Variants in SMG9 observed in about 807,000 individuals in gnomAD.
SMG9 encodes SMG9 nonsense mediated mRNA decay factor.
SMG9 carries 55 observed loss-of-function variants against 64.0 expected under a neutral mutation model. That is an observed-to-expected ratio of 0.86 (90% CI 0.69 to 1.08). SMG9 has a LOEUF of 1.08. Among genes scored for constraint, SMG9 ranks in the 50% least tolerant of loss-of-function variants. The pLI, the probability that SMG9 is intolerant of heterozygous loss-of-function variation, is 0.00. For missense variants in SMG9, 554 were observed against 681.3 expected, an observed-to-expected ratio of 0.81 and a Z score of 2.08; for synonymous variants, 244 against 254.8, an observed-to-expected ratio of 0.96 and a Z score of 0.41.
intron 5 of SMG9, among the ~76,000 whole-genome samples, chr19:43,746,947 G>A (rs1308074876): frequency 6.6e-6 from 1 of 151,862 alleles, no homozygotes; most frequent in Non-Finnish European, 1.5e-5. Context: ...TCAGCCTCCT[G>A]AGTGGCCTGG....
At chr19:43,734,098 A>G in intron 10 of SMG9, 1 of 532,910 alleles carries the variant, frequency 1.9e-6, no homozygotes, top group Non-Finnish European at 3.4e-6. Context: ...CCTAATACTC[A>G]CTTCCTGAGT....
In SMG9 at chr19:43,744,837, G is replaced by A. The variant is rs1053619139; in HGVS notation, c.636C>T (p.Leu212=). 10 of 1,613,884 alleles carry A rather than the reference G, an allele frequency of 6.2e-6. No homozygotes were observed. Among genetic ancestry groups the A allele is most frequent in the Non-Finnish European group, 8.5e-6 (10 of 1,179,934 alleles). The change falls in exon 6 of 14, where the codon CTC becomes CTT. Residue 212 remains leucine (L), a synonymous_variant. Transcript: ENST00000270066. The part of the protein sequence containing the change: ...TDVLVVGVLG[L]QGTGKSMVMS... ...TGACCATGGACTTGCCTGTCCCCTG[G>A]AGGCCCAGGACACCAACCACCAACA...
intron 6 of SMG9, among the ~76,000 whole-genome samples, chr19:43,741,431 C>T (rs986342179): frequency 2.0e-5 from 3 of 152,182 alleles, no homozygotes; most frequent in East Asian, 3.9e-4. Flanking sequence ...AGAGGATACA[C>T]AGACCCTTGT....
At chr19:43,753,026 G>A (rs933542450) in intron 1 of SMG9, among the ~76,000 whole-genome samples, 1 of 151,646 alleles carries the variant, frequency 6.6e-6, no homozygotes, top group African/African-American at 2.4e-5. Flanking sequence ...GACATAAACA[G>A]GTCCCTCCGA....
intron 2 of SMG9, chr19:43,748,792 T>C (rs777520667): frequency 2.1e-5 from 11 of 520,042 alleles, no homozygotes; most frequent in Non-Finnish European, 4.2e-5. Flanking sequence ...CCTTCACCAA[T>C]ATACTGAGGA....
At chr19:43,742,068 A>T (rs961161369) in intron 6 of SMG9, among the ~76,000 whole-genome samples, 1 of 152,222 alleles carries the variant, frequency 6.6e-6, no homozygotes, top group Non-Finnish European at 1.5e-5. Context: ...GAATTGCCTA[A>T]ACCTAGGAGA....
In SMG9 at chr19:43,730,249, T is replaced by C. The variant is rs1336729449; in HGVS notation, c.*1347A>G. The stretch of plus-strand genomic sequence containing the variant: ...CTGCTTTACTGAACGATGGATTAAT[T>C]TGGGGTGGCGAGACCAATTTGGAGA... On this transcript the variant is annotated 3_prime_UTR_variant, in exon 14 of 14. Coordinates refer to ENST00000270066, the MANE Select transcript of SMG9 (RefSeq NM_019108.4). The C allele has an allele frequency of 6.6e-6, 1 of 152,114 alleles. No individual in the cohort carries two copies. Among genetic ancestry groups the C allele is most frequent in the Non-Finnish European group, 1.5e-5 (1 of 68,036 alleles). The allele number at this position is 152,114 out of a possible 1,614,324, so 9.4% of individuals were successfully genotyped here. A position where few individuals can be genotyped will look rare whatever the true frequency, so the allele number is the denominator to read the frequency against.
Position 43,738,157 on chromosome 19 carries a change from C to T in SMG9, c.874G>A (p.Glu292Lys), listed in dbSNP as rs1968734120. ...ACGTAAGTGTGGGGAAGGTTGTACT[C>T]TGGAGGCAGTTTGCGGTCATTATTG... is the stretch of plus-strand genomic sequence containing the variant. ...LINNDRKLPPEYNLPHTYVEM... is the reference protein window; with the variant it reads ...LINNDRKLPPKYNLPHTYVEM... The change falls in exon 8 of 14, where the codon GAG (glutamate) becomes AAG (lysine). Residue 292 changes from glutamate to lysine, a missense_variant. Transcript: ENST00000270066. 6.2e-7 allele frequency: 1 copy of T among 1,613,976 alleles called. No homozygotes were observed. Among genetic ancestry groups the T allele is most frequent in the South Asian group, 1.1e-5 (1 of 91,084 alleles).
chr19:43,738,273 A>G, intron 7 of SMG9, 56 bp from the exon 8 acceptor site: 1 of 1,453,270 alleles, frequency 6.9e-7, no homozygotes, highest in Admixed American at 1.7e-5. Context: ...CACACGCTCA[A>G]GGCAAATACA....
intron 2 of SMG9, chr19:43,750,372 C>T: frequency 2.8e-6 from 2 of 707,378 alleles, no homozygotes; most frequent in Non-Finnish European, 5.2e-6. Flanking sequence ...ATTCTCTCAT[C>T]TCCTTCAAGT....
At chr19:43,737,306 G>A (rs1293357838) in intron 9 of SMG9, among the ~76,000 whole-genome samples, 1 of 148,226 alleles carries the variant, frequency 6.7e-6, no homozygotes, top group African/African-American at 2.5e-5. Flanking sequence ...AAAAATAAAG[G>A]GAGCGAGGGG....
intron 1 of SMG9, among the ~76,000 whole-genome samples, chr19:43,751,904 T>G (rs867669423): frequency 2.6e-5 from 4 of 152,244 alleles, no homozygotes; most frequent in Admixed American, 1.3e-4. Context: ...TATTCCCAAC[T>G]ATTAAAATGC....
rs1228228994 is a variant in SMG9 at position 43,731,425 on chromosome 19, G to A, written c.*171C>T. 9.1e-6 allele frequency: 13 copies of A among 1,433,626 alleles called. No individual in the cohort carries two copies. The African/African-American group carries it at 1.2e-4, about 13-fold the overall frequency. The allele number at this position is 1,433,626 out of a possible 1,614,324, so 88.8% of individuals were successfully genotyped here. A position where few individuals can be genotyped will look rare whatever the true frequency, so the allele number is the denominator to read the frequency against. On this transcript the variant is annotated 3_prime_UTR_variant, in exon 14 of 14. Coordinates refer to ENST00000270066, the MANE Select transcript of SMG9 (RefSeq NM_019108.4). ...TCACCCCCGGAACAGCCCCAACTGA[G>A]GGTGGGGGGCCTGGCCCTGGACACC...
At chr19:43,737,877 T>G in intron 8 of SMG9, 195 bp from the exon 9 acceptor site, 1 of 655,794 alleles carries the variant, frequency 1.5e-6, no homozygotes, top group Non-Finnish European at 2.6e-6. Flanking sequence ...ATCACCCCCA[T>G]TTTACACAGG....
Position 43,750,760 on chromosome 19 carries a change from T to C in SMG9, c.-6-13A>G, listed in dbSNP as rs780655599. 1.3e-5 allele frequency: 21 copies of C among 1,596,718 alleles called. No homozygotes were observed. Among genetic ancestry groups the C allele is most frequent in the Non-Finnish European group, 1.6e-5 (19 of 1,169,636 alleles). ...CAGACATGGTTACCTATGGAGGGAA[T>C]GAGGGGATTTCAGGATGACAGAGTC... On this transcript the variant is annotated splice_polypyrimidine_tract_variant and intron_variant, in intron 1 of 13. Coordinates refer to ENST00000270066, the MANE Select transcript of SMG9 (RefSeq NM_019108.4).
chr19:43,753,203 C>T (rs1216235921), intron 1 of SMG9, among the ~76,000 whole-genome samples: 8 of 152,170 alleles, frequency 5.3e-5, no homozygotes, highest in Admixed American at 3.3e-4. Flanking sequence ...GGCCTGTTTA[C>T]AGCTGCTTAG....
At position 43,731,106 on chromosome 19, in the gene SMG9, C is replaced by T. The variant is rs1224429490; in HGVS notation, c.*490G>A. The T allele has an allele frequency of 7.1e-6, 7 of 986,566 alleles. No homozygotes were observed. Among genetic ancestry groups the T allele is most frequent in the Middle Eastern group, 5.2e-4 (1 of 1,918 alleles). 61.1% of individuals were successfully genotyped at this position (986,566 alleles called of 1,614,324 possible). A position where few individuals can be genotyped will look rare whatever the true frequency, so the allele number is the denominator to read the frequency against. ...CTGGGTGTCCAATTTGTCCTGCTTC[C>T]CAGAGCTGCATGGTGGGTAGAGGAG... On this transcript the variant is annotated 3_prime_UTR_variant, in exon 14 of 14. Transcript: ENST00000270066.
intron 12 of SMG9, 43 bp downstream of exon 12, chr19:43,733,281 G>T: frequency 6.2e-7 from 1 of 1,608,572 alleles, no homozygotes; most frequent in South Asian, 1.1e-5. Flanking sequence ...CTCTGATCAG[G>T]ATAGGACTTG....
At chr19:43,752,802 A>G (rs528959412) in intron 1 of SMG9, among the ~76,000 whole-genome samples, 2 of 151,106 alleles carry the variant, frequency 1.3e-5, no homozygotes, top group East Asian at 3.9e-4. Flanking sequence ...GCTACTTGGG[A>G]GGCTGAGGTG....
Sources: gnomAD v4.1 joint callset for allele counts (sites outside exome capture counted in the v4.1 genomes callset) on GRCh38, gnomAD v4.1.1 for gene constraint, MANE v1.5 for transcripts, NCBI Gene and HGNC (gene_info 2026-07-23, HGNC 2026-07-21) for gene names.